Variants in TFAP2D observed in about 807,000 individuals in gnomAD.
TFAP2D encodes the protein transcription factor AP-2-delta.
TFAP2D carries 9 observed loss-of-function variants against 43.6 expected under a neutral mutation model. The ratio of observed to expected loss-of-function variants is 0.21; its 90% CI spans 0.12 to 0.36. The LOEUF (loss-of-function observed/expected upper bound fraction) is 0.36, where lower values mean the gene tolerates loss of function less well. Among genes scored for constraint, TFAP2D ranks in the 10% least tolerant of loss-of-function variants. The probability of loss-of-function intolerance (pLI) is 1.00; values close to 1 mark genes in which losing one functional copy is unlikely to be tolerated. For synonymous variants in TFAP2D, 256 were observed against 224.9 expected (o/e 1.14, Z -1.24); for missense variants, 513 against 561.4 (o/e 0.91, Z 0.87).
intron 2 of TFAP2D, 128 bp downstream of exon 2, chr6:50,715,741 TCTCTCTCTCACA>T: frequency 4.1e-6 from 3 of 724,432 alleles, no homozygotes; most frequent in Non-Finnish European, 4.4e-6. Flanking sequence ...TCTCTCTCTC[TCTCTCTCTCACA>T]CACACACACA....
At chr6:50,728,777 T>A in intron 3 of TFAP2D, 79 bp from the exon 4 acceptor site, 1 of 1,421,354 alleles carries the variant, frequency 7.0e-7, no homozygotes, top group Non-Finnish European at 9.8e-7. Context: ...TCCAGAATAG[T>A]CTTTTGATGT....
At position 50,742,634 on chromosome 6, in the gene TFAP2D, TA is replaced by T. The variant is rs879884008; in HGVS notation, c.884-2472del. ...GATAGATAGATAGATAGATAGATGA[TA>T]GATAGATAGACTCTGTTAAAATGTT... On this transcript the variant is annotated intron_variant, in intron 5 of 7. Transcript: ENST00000008391. Among the ~76,000 whole-genome samples the T allele has an allele frequency of 3.2e-3, 478 of 148,014 alleles. 1 individual carries two copies. Among genetic ancestry groups the T allele is most frequent in the Middle Eastern group, 6.9e-3 (2 of 288 alleles).
At chr6:50,770,743 T>G (rs1769515505) in intron 7 of TFAP2D, among the ~76,000 whole-genome samples, 1 of 152,112 alleles carries the variant, frequency 6.6e-6, no homozygotes, top group African/African-American at 2.4e-5. Flanking sequence ...ATTATGTAAC[T>G]TAAGAAAGAA....
At chr6:50,772,257 G>C (rs1004854126) in intron 7 of TFAP2D, among the ~76,000 whole-genome samples, 2 of 152,026 alleles carry the variant, frequency 1.3e-5, no homozygotes, top group Non-Finnish European at 1.5e-5. Flanking sequence ...GGGCGGAGGG[G>C]GGAGGGATAG....
chr6:50,720,486 AACACACACACAC>A (rs59484837), intron 3 of TFAP2D, among the ~76,000 whole-genome samples: 1,574 of 139,154 alleles, frequency 0.011, 10 homozygotes, highest in African/African-American at 0.014. Flanking sequence ...TGGAGATTAA[AACACACACACAC>A]ACACACACAC....
chr6:50,763,952 C>G (rs968650771), intron 7 of TFAP2D, among the ~76,000 whole-genome samples: 2 of 152,106 alleles, frequency 1.3e-5, no homozygotes, highest in African/African-American at 4.8e-5. Flanking sequence ...CAACTGTAAG[C>G]CTGAAAAGAG....
chr6:50,733,435 A>T (rs552682829), intron 5 of TFAP2D, among the ~76,000 whole-genome samples: 1 of 152,220 alleles, frequency 6.6e-6, no homozygotes, highest in East Asian at 1.9e-4. Flanking sequence ...GTCTCTGAAA[A>T]ATACAGTGGC....
chr6:50,751,234 A>G lies in TFAP2D; in HGVS notation c.1049A>G (p.Asp350Gly), dbSNP rs767647706. ...ATKQICKEFQDLLSQDRSPLG... is the reference protein window; with the variant it reads ...ATKQICKEFQGLLSQDRSPLG... ...AGACAAATCTGTAAAGAATTCCAAG[A>G]CCTCTTGAGCCAAGATAGATCACCA... Residue 350 changes from aspartate (D) to glycine (G), a missense_variant, in exon 7 of 8, where the codon GAC (aspartate) becomes GGC (glycine). Asp to Gly is a moderately conservative substitution (Grantham distance 94). Coordinates refer to ENST00000008391, the MANE Select transcript of TFAP2D (RefSeq NM_172238.4). 5 of 1,610,464 alleles carry G rather than the reference A, an allele frequency of 3.1e-6. No individual in the cohort carries two copies. The highest frequency in any genetic ancestry group is 4.2e-6 in the Non-Finnish European group (5 of 1,177,602).
intron 5 of TFAP2D, among the ~76,000 whole-genome samples, chr6:50,733,181 A>G (rs1768917131): frequency 6.6e-6 from 1 of 152,212 alleles, no homozygotes; most frequent in African/African-American, 2.4e-5. Context: ...TGGGGGGTCT[A>G]CATAACATAG....
At chr6:50,726,829 G>C (rs1768814721) in intron 3 of TFAP2D, among the ~76,000 whole-genome samples, 1 of 152,132 alleles carries the variant, frequency 6.6e-6, no homozygotes, top group Non-Finnish European at 1.5e-5. Context: ...AGGAATCTGG[G>C]GGAACATTTT....
Position 50,728,843 on chromosome 6 carries a change from T to C in TFAP2D, c.599-13T>C. Reference sequence around the variant, plus strand: ...ACTGTCACTAACATGTTATATACTTTTTTTCTCCCAAGGTGGCACCTGTGT... The same window carrying C: ...ACTGTCACTAACATGTTATATACTTCTTTTCTCCCAAGGTGGCACCTGTGT... On this transcript the variant is annotated splice_polypyrimidine_tract_variant and intron_variant, in intron 3 of 7. Coordinates refer to ENST00000008391, the MANE Select transcript of TFAP2D (RefSeq NM_172238.4). The C allele has an allele frequency of 5.0e-6, 8 of 1,613,152 alleles. No homozygotes were observed. The highest frequency in any genetic ancestry group is 6.8e-6 in the Non-Finnish European group (8 of 1,179,580).
At chr6:50,715,081 T>G in intron 1 of TFAP2D, 35 bp from the exon 2 acceptor site, 1 of 1,592,712 alleles carries the variant, frequency 6.3e-7, no homozygotes. Flanking sequence ...AACCTCAAGT[T>G]TTTCTGCTCT....
At position 50,719,478 on chromosome 6, in the gene TFAP2D, A is replaced by AAAGAAAGAAAGAAAGAAAGAAAGAAAGG. The variant is rs1554151940; in HGVS notation, c.598+353_598+354insAGGAAGAAAGAAAGAAAGAAAGAAAGAA. 1.3e-3 allele frequency among the ~76,000 whole-genome samples: 172 copies of AAAGAAAGAAAGAAAGAAAGAAAGAAAGG among 137,534 alleles called. 1 individual carries two copies. The highest frequency in any genetic ancestry group is 4.1e-3 in the African/African-American group (166 of 40,070). The allele number at this position is 137,534 out of a possible 152,430, so 90.2% of individuals were successfully genotyped here. A position where few individuals can be genotyped will look rare whatever the true frequency, so the allele number is the denominator to read the frequency against. ...GAAAGAAAGAAAGAAAGAAAGAAAG[A>AAAGAAAGAAAGAAAGAAAGAAAGAAAGG]AAGAAAGAAAGAAAGAAAGAAAGAA... On this transcript the variant is annotated intron_variant, in intron 3 of 7. Transcript: ENST00000008391.
chr6:50,746,712 G>T (rs983886416), intron 6 of TFAP2D, among the ~76,000 whole-genome samples: 15 of 152,132 alleles, frequency 9.9e-5, no homozygotes, highest in African/African-American at 3.4e-4. Flanking sequence ...AGCTTCTTAT[G>T]TAACATAGGA....
chr6:50,766,825 C>T (rs577847116), intron 7 of TFAP2D, among the ~76,000 whole-genome samples: 112 of 151,378 alleles, frequency 7.4e-4, no homozygotes, highest in African/African-American at 2.5e-3. Context: ...CCCGCCACCG[C>T]GCCTGGCTAA....
At chr6:50,732,605 A>T (rs1222797537) in intron 5 of TFAP2D, among the ~76,000 whole-genome samples, 2 of 152,088 alleles carry the variant, frequency 1.3e-5, no homozygotes, top group Non-Finnish European at 2.9e-5. Context: ...AGATTTGAAT[A>T]CAGCCTTGCC....
chr6:50,715,593 G>T lies in TFAP2D; in HGVS notation c.517G>T (p.Ala173Ser), dbSNP rs1768608294. ...LPGPSLGLAA[A>S]GADDLQGSVE... Reference sequence around the variant, plus strand: ...AGGGCCCAGCCTGGGGCTGGCCGCCGCGGGAGCAGACGACTTGCAGGTAAA... The same window carrying T: ...AGGGCCCAGCCTGGGGCTGGCCGCCTCGGGAGCAGACGACTTGCAGGTAAA... Residue 173 changes from alanine to serine, a missense_variant, in exon 2 of 8, where the codon GCG becomes TCG. Ala to Ser is a moderately conservative substitution (Grantham distance 99, BLOSUM62 1). Transcript: ENST00000008391. 5.6e-6 allele frequency: 9 copies of T among 1,597,106 alleles called. No individual in the cohort carries two copies. The highest frequency in any genetic ancestry group is 7.7e-6 in the Non-Finnish European group (9 of 1,170,614).
chr6:50,751,089 C>T (rs1275842021), intron 6 of TFAP2D, 122 bp from the exon 7 acceptor site: 1 of 677,986 alleles, frequency 1.5e-6, no homozygotes, highest in Non-Finnish European at 2.5e-6. Context: ...TTTGAGGTTG[C>T]TTTATGAAAT....
chr6:50,714,869 A>G (rs1035430845), intron 1 of TFAP2D, among the ~76,000 whole-genome samples: 1 of 151,880 alleles, frequency 6.6e-6, no homozygotes, highest in Non-Finnish European at 1.5e-5. Flanking sequence ...CCGCACCTAT[A>G]TAGGGTGGGG....
Sources: gnomAD v4.1 joint callset for allele counts (sites outside exome capture counted in the v4.1 genomes callset) on GRCh38, gnomAD v4.1.1 for gene constraint, MANE v1.5 for transcripts, NCBI Gene and HGNC (gene_info 2026-07-23, HGNC 2026-07-21) for gene names.